The following MYO16 variants were observed in gnomAD, a reference collection of about 807,000 sequenced individuals.
MYO16 encodes myosin XVI, also known as unconventional myosin-XVI.
A neutral mutation model predicts 205.3 loss-of-function variants in MYO16; 94 were observed. The observed-to-expected ratio is 0.46, with a 90% CI of 0.39 to 0.54. The LOEUF is 0.54. Ranked by LOEUF, MYO16 falls within the 20% of genes least tolerant of loss-of-function variation. The pLI is 0.00. For missense variants in MYO16, 2,315 were observed against 2,387.5 expected (o/e 0.97, Z 0.63); for synonymous variants, 988 against 954.0 (o/e 1.04, Z -0.66).
intron 10 of MYO16, 23 bp from the exon 11 acceptor site, chr13:108,855,420 T>C (rs370038369): frequency 6.6e-5 from 95 of 1,443,736 alleles, no homozygotes; most frequent in Non-Finnish European, 8.5e-5. Context: ...TTAGAATTGA[T>C]CATACTTTCG....
the MYO16 span, among the ~76,000 whole-genome samples, chr13:108,541,466 C>T: frequency 6.6e-6 from 1 of 151,378 alleles, no homozygotes; most frequent in Non-Finnish European, 1.5e-5. Context: ...CTTTTTGATA[C>T]ACTATAATAT....
At chr13:108,655,821 A>T (rs1319358682) in intron 1 of MYO16, among the ~76,000 whole-genome samples, 4 of 152,090 alleles carry the variant, frequency 2.6e-5, no homozygotes, top group African/African-American at 9.7e-5. Flanking sequence ...GCCCCACTGT[A>T]TTTTAGACTT....
chr13:108,800,303 C>A (rs924160103), intron 6 of MYO16, among the ~76,000 whole-genome samples: 1 of 152,216 alleles, frequency 6.6e-6, no homozygotes, highest in African/African-American at 2.4e-5. Flanking sequence ...TCAGAGTGGT[C>A]TCTACAGCCT....
At chr13:109,182,528 T>C (rs1879499538) in intron 34 of MYO16, among the ~76,000 whole-genome samples, 1 of 152,208 alleles carries the variant, frequency 6.6e-6, no homozygotes. Flanking sequence ...GTTCATGTCC[T>C]TCCTTAGCCT....
chr13:108,866,725 C>A (rs1373292733), intron 12 of MYO16, among the ~76,000 whole-genome samples: 2 of 152,206 alleles, frequency 1.3e-5, no homozygotes, highest in Non-Finnish European at 2.9e-5. Flanking sequence ...GAAAATTATT[C>A]CAGTCAATTG....
intron 20 of MYO16, among the ~76,000 whole-genome samples, chr13:108,992,048 C>A (rs1456584582): frequency 6.6e-6 from 1 of 152,040 alleles, no homozygotes; most frequent in Non-Finnish European, 1.5e-5. Flanking sequence ...AAATAGACAA[C>A]CTACTGAATG....
chr13:108,959,996 G>A (rs1222819720), intron 17 of MYO16, among the ~76,000 whole-genome samples: 2 of 151,118 alleles, frequency 1.3e-5, no homozygotes, highest in Admixed American at 6.6e-5. Context: ...AAAAAAGCTG[G>A]GCATGGTGGT....
chr13:109,032,163 G>A (rs762757467), intron 23 of MYO16, among the ~76,000 whole-genome samples: 1 of 152,068 alleles, frequency 6.6e-6, no homozygotes, highest in African/African-American at 2.4e-5. Flanking sequence ...TGGTTTTGGG[G>A]TTGATTCCAC....
At chr13:108,899,044 A>T (rs1321556012) in intron 15 of MYO16, among the ~76,000 whole-genome samples, 1 of 152,198 alleles carries the variant, frequency 6.6e-6, no homozygotes, top group Non-Finnish European at 1.5e-5. Context: ...TTTTGACCAT[A>T]ATCTAGAAAC....
chr13:108,644,389 TATCTATCTATCTATCTATCTATCTATC>T lies in MYO16; in HGVS notation c.28+14522_28+14548del, dbSNP rs1225076589. 2.3e-4 allele frequency among the ~76,000 whole-genome samples: 35 copies of T among 150,882 alleles called. No individual in the cohort carries two copies. In the South Asian group the frequency reaches 6.4e-3, roughly 27 times the overall value. On this transcript the variant is annotated intron_variant, in intron 1 of 34. Transcript: ENST00000457511. ...CTATCTATCTATCTATCTATCTATC[TATCTATCTATCTATCTATCTATCTATC>T]ATCTGTTTAAATTACTGCAACCCAT...
At chr13:109,129,405 G>A (rs1217892240) in intron 31 of MYO16, among the ~76,000 whole-genome samples, 4 of 152,046 alleles carry the variant, frequency 2.6e-5, no homozygotes, top group Admixed American at 1.3e-4. Flanking sequence ...GGACATTGAC[G>A]TGGGCTTAGA....
chr13:108,565,033 A>C, the MYO16 span, among the ~76,000 whole-genome samples: 3 of 152,154 alleles, frequency 2.0e-5, no homozygotes, highest in South Asian at 6.2e-4. Flanking sequence ...TGCCACTACC[A>C]TGCTGTTTTG....
intron 4 of MYO16, among the ~76,000 whole-genome samples, chr13:108,732,228 T>A (rs1416985567): frequency 1.3e-5 from 2 of 152,208 alleles, no homozygotes; most frequent in Admixed American, 1.3e-4. Flanking sequence ...TTGATTCATT[T>A]ATTAAATCTG....
chr13:108,497,290 G>A, the MYO16 span, among the ~76,000 whole-genome samples: 404 of 152,298 alleles, frequency 2.7e-3, 19 homozygotes, highest in South Asian at 0.082. Context: ...TAGAAGCCTC[G>A]AAGGTAATTT....
chr13:108,871,600 G>A (rs114764779), intron 12 of MYO16, among the ~76,000 whole-genome samples: 57 of 152,100 alleles, frequency 3.7e-4, no homozygotes, highest in African/African-American at 1.3e-3. Flanking sequence ...GCCCCCTTAC[G>A]GGTCTCAGGT....
intron 3 of MYO16, among the ~76,000 whole-genome samples, chr13:108,716,371 G>A (rs1883945668): frequency 6.6e-6 from 1 of 152,178 alleles, no homozygotes; most frequent in Non-Finnish European, 1.5e-5. Flanking sequence ...CCAACCCAGT[G>A]CAAGGATATT....
At chr13:109,065,663 T>A in intron 27 of MYO16, 1 of 411,370 alleles carries the variant, frequency 2.4e-6, no homozygotes, top group South Asian at 2.0e-5. Flanking sequence ...CATCCATACA[T>A]CTTTGTTTCC....
chr13:109,002,232 C>T (rs1409061169), intron 21 of MYO16, among the ~76,000 whole-genome samples: 1 of 152,214 alleles, frequency 6.6e-6, no homozygotes, highest in African/African-American at 2.4e-5. Context: ...GCTCTGCCTT[C>T]AGCTGGAGTC....
the MYO16 span, among the ~76,000 whole-genome samples, chr13:108,524,848 T>G: frequency 6.6e-6 from 1 of 152,218 alleles, no homozygotes; most frequent in Non-Finnish European, 1.5e-5. Flanking sequence ...GGAATTTGGA[T>G]ATGCAGGTTT....
Sources: gnomAD v4.1 joint callset for allele counts (sites outside exome capture counted in the v4.1 genomes callset) on GRCh38, gnomAD v4.1.1 for gene constraint, MANE v1.5 for transcripts, NCBI Gene and HGNC (gene_info 2026-07-23, HGNC 2026-07-21) for gene names.